Variants in TACC2 observed in about 807,000 individuals in gnomAD.
The protein encoded by TACC2 is transforming acidic coiled-coil containing protein 2.
In TACC2, 137 loss-of-function variants were observed where a neutral mutation model predicts 227.3. The observed-to-expected ratio is 0.60, with a 90% confidence interval of 0.52 to 0.69. TACC2 has a LOEUF of 0.69. Ranked by LOEUF, TACC2 falls within the 30% of genes least tolerant of loss-of-function variation. TACC2 has a pLI of 0.00. For synonymous variants in TACC2, 1,523 were observed against 1,487.5 expected (o/e 1.02, Z -0.55); for missense variants, 3,470 against 3,694.4 (o/e 0.94, Z 1.57).
rs770052058 is a variant in TACC2 at position 122,087,386 on chromosome 10, G to A, written c.4886G>A (p.Arg1629Lys). 5 of 1,613,942 alleles carry A rather than the reference G, an allele frequency of 3.1e-6. No homozygotes were observed. In the East Asian group the frequency reaches 6.7e-5, roughly 22 times the overall value. Residue 1629 changes from arginine to lysine, a missense_variant, in exon 4 of 23, where the codon AGG (arginine) becomes AAG (lysine). This residue lies in a region of TACC2 where 1,924 missense variants were observed against 1,978.3 expected (regional missense o/e 0.97). Coordinates refer to ENST00000369005, the MANE Select transcript of TACC2 (RefSeq NM_206862.4). ...ACAGGGGTTCCAGGACATGTGCCAA[G>A]GTCCACGTGTGCCCCTTCTCCTCAG... The part of the protein sequence containing the change: ...AHTGVPGHVP[R>K]STCAPSPQRE...
intron 7 of TACC2, among the ~76,000 whole-genome samples, chr10:122,157,828 C>T (rs941572664): frequency 6.7e-6 from 1 of 148,258 alleles, no homozygotes; most frequent in Non-Finnish European, 1.5e-5. Context: ...ATCAAGCCAG[C>T]AATGGTGTGT....
chr10:121,992,681 A>G (rs964637121), intron 1 of TACC2, among the ~76,000 whole-genome samples: 2 of 152,160 alleles, frequency 1.3e-5, no homozygotes, highest in African/African-American at 2.4e-5. Context: ...TTGGTTGGGC[A>G]TGGTGGCTTA....
In TACC2 at chr10:122,083,124, A is replaced by T; in HGVS notation, c.624A>T (p.Pro208=). Residue 208 remains proline (P), a synonymous_variant, in exon 4 of 23, where the codon CCA becomes CCT. Transcript: ENST00000369005. ...PGMSPVPLRE[P]MKAPLCGEGD... ...TGTCGCCAGTACCCCTCAGAGAGCCAATGAAGGCACCGCTGTGTGGAGAGG... is the reference window on the plus strand; with the variant it reads ...TGTCGCCAGTACCCCTCAGAGAGCCTATGAAGGCACCGCTGTGTGGAGAGG... 6.2e-7 allele frequency: 1 copy of T among 1,613,026 alleles called. No homozygotes were observed. The highest frequency in any genetic ancestry group is 8.5e-7 in the Non-Finnish European group (1 of 1,179,998).
intron 3 of TACC2, among the ~76,000 whole-genome samples, chr10:122,074,521 G>C (rs1281416310): frequency 1.3e-5 from 2 of 152,138 alleles, no homozygotes; most frequent in African/African-American, 4.8e-5. Context: ...GATGCAGAAT[G>C]ACCTATCAGA....
At position 122,150,747 on chromosome 10, in the gene TACC2, GC is replaced by G. The variant is rs2091956801; in HGVS notation, c.5834+7042del. 6.6e-6 allele frequency among the ~76,000 whole-genome samples: 1 copy of G among 152,164 alleles called. No homozygotes were observed. Among genetic ancestry groups the G allele is most frequent in the Non-Finnish European group, 1.5e-5 (1 of 68,036 alleles). The stretch of plus-strand genomic sequence containing the variant: ...GATGAGCCAGTTTCTTTAATACTTC[GC>G]TGTCAGGAGAAGGACCTGCTGAGCG... On this transcript the variant is annotated intron_variant, in intron 7 of 22. Transcript: ENST00000369005. The surrounding 1 kb of genome is among the most constrained non-coding windows in gnomAD (Gnocchi z 4.0).
At chr10:122,220,284 G>T (rs1028610706) in intron 11 of TACC2, among the ~76,000 whole-genome samples, 1 of 151,956 alleles carries the variant, frequency 6.6e-6, no homozygotes, top group African/African-American at 2.4e-5. Context: ...TTTGACAGTT[G>T]TTTTTTTCTG....
Position 122,215,397 on chromosome 10 carries a change from A to G in TACC2, c.7290A>G (p.Thr2430=). Residue 2430 remains threonine (T), a synonymous_variant, in exon 10 of 23, where the codon ACA becomes ACG. Transcript: ENST00000369005. The stretch of plus-strand genomic sequence containing the variant: ...TTTTCCATTTTGTTTCCAGTGACAC[A>G]TTTAGGGTGAAAAAGTCGCCAAAAC... ...KKKKTPLKTD[T]FRVKKSPKRS... The G allele has an allele frequency of 6.2e-7, 1 of 1,613,812 alleles. No individual in the cohort carries two copies.
At chr10:122,023,291 A>G (rs1957553271) in intron 2 of TACC2, 1 of 152,104 alleles carries the variant, frequency 6.6e-6, no homozygotes, top group African/African-American at 2.4e-5. Context: ...CGGCCTCCCA[A>G]ACTGCTGGGA....
chr10:122,165,238 A>G (rs1278382696), intron 7 of TACC2, among the ~76,000 whole-genome samples: 1 of 152,172 alleles, frequency 6.6e-6, no homozygotes, highest in Non-Finnish European at 1.5e-5. Context: ...TGCTAGGTGC[A>G]TGGAAATACA....
chr10:122,253,200 A>G (rs1323852612), intron 22 of TACC2, among the ~76,000 whole-genome samples: 2 of 152,130 alleles, frequency 1.3e-5, no homozygotes, highest in Admixed American at 6.5e-5. Context: ...GCTGCAAAAC[A>G]TCCCCAGTAT....
chr10:122,021,239 A>AAAC (rs149978264), intron 1 of TACC2, among the ~76,000 whole-genome samples: 1 of 146,138 alleles, frequency 6.8e-6, no homozygotes, highest in African/African-American at 2.6e-5. Context: ...GAAAAAAAAA[A>AAAC]GGCGGGGGGG....
chr10:122,223,352 A>G (rs898223390), intron 11 of TACC2, among the ~76,000 whole-genome samples: 1 of 151,994 alleles, frequency 6.6e-6, no homozygotes, highest in African/African-American at 2.4e-5. Flanking sequence ...CTCATTTTTA[A>G]GGTGAGGAGG....
chr10:122,026,852 G>A (rs149823730), intron 2 of TACC2, among the ~76,000 whole-genome samples: 99 of 152,144 alleles, frequency 6.5e-4, no homozygotes, highest in African/African-American at 2.3e-3. Context: ...GAATGTACCG[G>A]TTTATTGATC....
rs183244016 is a variant in TACC2, at chr10:122,143,933, G to A, written c.5834+227G>A. 7.4e-4 allele frequency among the ~76,000 whole-genome samples: 112 copies of A among 152,324 alleles called. 1 individual carries two copies. Among genetic ancestry groups the A allele is most frequent in the Admixed American group, 7.1e-3 (108 of 15,300 alleles). On this transcript the variant is annotated intron_variant, in intron 7 of 22. Coordinates refer to ENST00000369005, the MANE Select transcript of TACC2 (RefSeq NM_206862.4). ...TGGGAAGCATGGTGTGGGCGAGTGCGTTAGGGTTCTGCACAGAAACAGAGC... is the reference window on the plus strand; with the variant it reads ...TGGGAAGCATGGTGTGGGCGAGTGCATTAGGGTTCTGCACAGAAACAGAGC...
intron 7 of TACC2, among the ~76,000 whole-genome samples, chr10:122,155,833 ATTTT>A (rs66559186): frequency 1.7e-5 from 2 of 118,304 alleles, no homozygotes; most frequent in Non-Finnish European, 3.3e-5. Context: ...TAGTGGGAAA[ATTTT>A]TTTTTTTTTT....
chr10:122,050,467 C>T lies in TACC2; in HGVS notation c.63C>T (p.Ser21=), dbSNP rs114344239. 1.6e-4 allele frequency: 264 copies of T among 1,614,022 alleles called. 3 individuals carry two copies. The East Asian group carries it at 3.5e-3, about 21-fold the overall frequency. The change falls in exon 3 of 23, where the codon TCC becomes TCT. Residue 21 remains serine, a synonymous_variant. Coordinates refer to ENST00000369005, the MANE Select transcript of TACC2 (RefSeq NM_206862.4). This position sits in a 1 kb window ranked among gnomAD's most constrained non-coding sequence, Gnocchi z 4.6. ...CTTTATCAGCTCAGACTCCAAGGTC[C>T]GCGCAGCCACCCGGGAACAGTCAGA... ...QRTLSAQTPR[S]AQPPGNSQNI...
intron 2 of TACC2, among the ~76,000 whole-genome samples, chr10:122,038,705 T>C (rs2073882354): frequency 6.6e-6 from 1 of 152,156 alleles, no homozygotes; most frequent in African/African-American, 2.4e-5. Context: ...GCTTGTCCTA[T>C]AGGGAGTGTC....
chr10:122,171,023 G>A (rs11595595), intron 7 of TACC2, among the ~76,000 whole-genome samples: 3 of 150,676 alleles, frequency 2.0e-5, no homozygotes, highest in East Asian at 2.0e-4. Context: ...GCTGTGAGCA[G>A]TAGATTAGGG....
chr10:122,097,915 C>T (rs1441124588), intron 5 of TACC2, among the ~76,000 whole-genome samples: 1 of 152,108 alleles, frequency 6.6e-6, no homozygotes, highest in Admixed American at 6.5e-5. Context: ...AAATGTGCAC[C>T]CAAGCCAGGC....
Sources: gnomAD v4.1 joint callset for allele counts (sites outside exome capture counted in the v4.1 genomes callset) on GRCh38, gnomAD v4.1.1 for gene constraint, gnomAD v4.1.1 regional missense constraint, Gnocchi (gnomAD v3.1) non-coding constraint, MANE v1.5 for transcripts, NCBI Gene and HGNC (gene_info 2026-07-23, HGNC 2026-07-21) for gene names.